XPO5: variants seen among roughly 807,000 people sequenced by gnomAD.
XPO5 encodes exportin-5.
A neutral mutation model predicts 160.6 loss-of-function variants in XPO5; 46 were observed. The ratio of observed to expected loss-of-function variants is 0.29; its 90% confidence interval spans 0.23 to 0.37. XPO5 has a LOEUF of 0.37. XPO5 is among the 10% of genes least tolerant of loss of function. The pLI, the probability that XPO5 is intolerant of heterozygous loss-of-function variation, is 1.00. For synonymous variants in XPO5, 537 were observed against 519.3 expected (o/e 1.03, Z -0.46); for missense variants, 1,090 against 1,463.9 (o/e 0.74, Z 4.17).
At position 43,572,526 on chromosome 6, in the gene XPO5, C is replaced by T. The variant is rs779697742; in HGVS notation, c.280G>A (p.Val94Ile). ...CTTACATTTGCAATCAGCTCCATGA[C>T]ACTGTTCTTCAGATACACCTTCTCC... ...RLEKVYLKNSVMELIANGTLN... is the reference protein window; with the variant it reads ...RLEKVYLKNSIMELIANGTLN... Residue 94 changes from valine to isoleucine, a missense_variant, in exon 3 of 32, where the codon GTC (valine) becomes ATC (isoleucine). Physicochemically the swap from Val to Ile is conservative, Grantham distance 29. Transcript: ENST00000265351. The T allele has an allele frequency of 6.2e-7, 1 of 1,613,960 alleles. No homozygotes were observed. The highest frequency in any genetic ancestry group is 1.1e-5 in the South Asian group (1 of 91,078).
Position 43,538,973 on chromosome 6 carries a change from A to G in XPO5, c.2343-4966T>C, listed in dbSNP as rs372247716. ...GGTCAGGTAGCTGTAGGTCTTAGAA[A>G]TGGCATCAAAGGTGGCCTTGGCGAA... On this transcript the variant is annotated intron_variant, in intron 20 of 31. Transcript: ENST00000265351. The G allele has an allele frequency of 2.4e-4, 343 of 1,414,338 alleles. 3 individuals carry two copies. In the East Asian group the frequency reaches 6.2e-3, roughly 25 times the overall value. The allele number at this position is 1,414,338 out of a possible 1,614,324, so 87.6% of individuals were successfully genotyped here.
chr6:43,560,563 C>T (rs570149366), intron 10 of XPO5, among the ~76,000 whole-genome samples: 2 of 152,312 alleles, frequency 1.3e-5, no homozygotes, highest in South Asian at 4.1e-4. Context: ...ATACTGGAAT[C>T]TCAGAGTGAT....
At chr6:43,531,441 G>A (rs369855189) in intron 22 of XPO5, 38 bp downstream of exon 22, 30 of 1,570,704 alleles carry the variant, frequency 1.9e-5, no homozygotes, top group African/African-American at 1.1e-4. Flanking sequence ...AATACATATC[G>A]AGGAAGAAAA....
chr6:43,527,552 C>T (rs1344396913), intron 26 of XPO5, 82 bp downstream of exon 26: 21 of 1,394,444 alleles, frequency 1.5e-5, no homozygotes, highest in South Asian at 5.9e-5. Context: ...TTGCATTAGT[C>T]AGGCCTTCAT....
chr6:43,551,439 A>G lies in XPO5; in HGVS notation c.1587T>C (p.Asn529=). The part of the protein sequence containing the change: ...RTLNREEIPV[N]DGIELLQMVL... ...CCATCTGCAATAGCTCTATTCCATCATTAACAGGAATTTCCTGTAACAAAG... is the reference window on the plus strand; with the variant it reads ...CCATCTGCAATAGCTCTATTCCATCGTTAACAGGAATTTCCTGTAACAAAG... Residue 529 remains asparagine, a synonymous_variant, in exon 15 of 32, where the codon AAT becomes AAC. Transcript: ENST00000265351. The G allele has an allele frequency of 3.1e-6, 5 of 1,612,432 alleles. No individual in the cohort carries two copies. Among genetic ancestry groups the G allele is most frequent in the Non-Finnish European group, 3.4e-6 (4 of 1,179,510 alleles).
chr6:43,565,157 A>G (rs896743730), intron 8 of XPO5, among the ~76,000 whole-genome samples: 3 of 152,112 alleles, frequency 2.0e-5, no homozygotes, highest in Non-Finnish European at 2.9e-5. Context: ...CCTGGCCTCA[A>G]GTGATCCACT....
chr6:43,526,057 T>G (rs920560196), intron 27 of XPO5, 136 bp from the exon 28 acceptor site: 1 of 843,750 alleles, frequency 1.2e-6, no homozygotes, highest in African/African-American at 1.7e-5. Context: ...CTAGGAGCCC[T>G]CCCACCTCCA....
In XPO5 at chr6:43,526,574, A is replaced by C. The variant is rs866846962; in HGVS notation, c.2983+111T>G. The C allele has an allele frequency of 2.4e-4, 295 of 1,209,268 alleles. 1 individual carries two copies. In the Middle Eastern group the frequency reaches 2.6e-3, roughly 11 times the overall value. 74.9% of individuals were successfully genotyped at this position (1,209,268 alleles called of 1,614,324 possible). ...GAGGGCTGGTCCAGAGATGATAACT[A>C]CATGTAGGGTGTCTTCTCCTCACCA... On this transcript the variant is annotated intron_variant, in intron 27 of 31. Coordinates refer to ENST00000265351, the MANE Select transcript of XPO5 (RefSeq NM_020750.3).
At chr6:43,575,427 C>G (rs1001425026) in intron 1 of XPO5, among the ~76,000 whole-genome samples, 3 of 152,006 alleles carry the variant, frequency 2.0e-5, no homozygotes, top group Non-Finnish European at 4.4e-5. Context: ...GAGGGGATGT[C>G]GGGCTTGGGG....
chr6:43,530,313 A>C (rs1332496102), intron 23 of XPO5, among the ~76,000 whole-genome samples: 1 of 151,972 alleles, frequency 6.6e-6, no homozygotes, highest in East Asian at 1.9e-4. Context: ...AATCACAGCT[A>C]GTTAGGAGGC....
chr6:43,563,387 G>T (rs1476191941), intron 8 of XPO5, among the ~76,000 whole-genome samples: 1 of 152,138 alleles, frequency 6.6e-6, no homozygotes, highest in Non-Finnish European at 1.5e-5. Flanking sequence ...TTCACGGCTT[G>T]GCCTCCCAAA....
chr6:43,546,555 CA>C lies in XPO5; in HGVS notation c.2342+15del. On this transcript the variant is annotated intron_variant, in intron 20 of 31. Transcript: ENST00000265351. The stretch of plus-strand genomic sequence containing the variant: ...AAAGTAGAAAACAACAGAGAAAAGC[CA>C]TTATTCTGACTCACCTTATAAGCGC... 1 of 1,591,640 alleles carries C rather than the reference CA, an allele frequency of 6.3e-7. No individual in the cohort carries two copies. The highest frequency in any genetic ancestry group is 1.1e-5 in the South Asian group (1 of 87,132).
At chr6:43,562,130 G>A (rs1356767270) in intron 9 of XPO5, 117 bp downstream of exon 9, 2 of 669,768 alleles carry the variant, frequency 3.0e-6, no homozygotes, top group Admixed American at 2.9e-5. Context: ...TAACTTGTAT[G>A]GCACTGCCCC....
At chr6:43,539,188 G>A in intron 20 of XPO5, 1 of 1,130,492 alleles carries the variant, frequency 8.8e-7, no homozygotes, top group East Asian at 2.5e-5. Flanking sequence ...TGCCGATCTT[G>A]TTCCCCTAGT....
At chr6:43,570,432 C>G in intron 5 of XPO5, 70 bp downstream of exon 5, 1 of 1,409,800 alleles carries the variant, frequency 7.1e-7, no homozygotes, top group Non-Finnish European at 9.5e-7. Flanking sequence ...ACCCTAGTTC[C>G]TTACTGTAAG....
chr6:43,534,417 T>C (rs1240998463), intron 20 of XPO5, among the ~76,000 whole-genome samples: 2 of 152,192 alleles, frequency 1.3e-5, no homozygotes, highest in African/African-American at 4.8e-5. Flanking sequence ...TTCAATGTTT[T>C]GTCTTAATTC....
At chr6:43,566,682 T>C (rs1341036726) in intron 7 of XPO5, 1 of 406,776 alleles carries the variant, frequency 2.5e-6, no homozygotes, top group Non-Finnish European at 5.0e-6. Context: ...TGGTGGCGTG[T>C]GCCTATAGTC....
chr6:43,575,496 G>A (rs768333525), intron 1 of XPO5, among the ~76,000 whole-genome samples: 1 of 152,228 alleles, frequency 6.6e-6, no homozygotes, highest in African/African-American at 2.4e-5. Flanking sequence ...AGGAAAGGGG[G>A]AGGAGAGGGC....
intron 20 of XPO5, among the ~76,000 whole-genome samples, chr6:43,536,988 A>G (rs1794374893): frequency 6.6e-6 from 1 of 151,956 alleles, no homozygotes; most frequent in Non-Finnish European, 1.5e-5. Flanking sequence ...TTTTAAAGAG[A>G]CAGGGTCTCA....
Sources: allele counts gnomAD v4.1 joint callset (sites outside exome capture counted in the v4.1 genomes callset), GRCh38; gene constraint gnomAD v4.1.1; transcripts MANE v1.5; gene names NCBI Gene and HGNC (gene_info 2026-07-23, HGNC 2026-07-21).